ITGA10: variants seen among roughly 807,000 people sequenced by gnomAD.
ITGA10 encodes the protein integrin alpha-10.
A neutral mutation model predicts 145.2 loss-of-function variants in ITGA10; 105 were observed. The ratio of observed to expected loss-of-function variants is 0.72; its 90% CI spans 0.62 to 0.85. The LOEUF (loss-of-function observed/expected upper bound fraction) is 0.85. ITGA10 is among the 40% of genes least tolerant of loss of function. The pLI, the probability that ITGA10 is intolerant of heterozygous loss-of-function variation, is 0.00. For missense variants in ITGA10, 1,317 were observed against 1,444.5 expected (o/e 0.91, Z 1.43); for synonymous variants, 506 against 557.8 (o/e 0.91, Z 1.31).
In ITGA10 at chr1:145,907,482, A is replaced by C. The variant is rs1559215361; in HGVS notation, c.53-17T>G. The C allele has an allele frequency of 6.2e-7, 1 of 1,613,988 alleles. No homozygotes were observed. The highest frequency in any genetic ancestry group is 8.5e-7 in the Non-Finnish European group (1 of 1,179,982). ...AGCAGAGACCTGTGGGGTCAGGATC[A>C]TAATGTTAGTATGAGGTAGTGAATG... On this transcript the variant is annotated splice_polypyrimidine_tract_variant and intron_variant, in intron 1 of 29. Transcript: ENST00000369304.
At position 145,900,785 on chromosome 1, in the gene ITGA10, C is replaced by T. The variant is rs1553747754; in HGVS notation, c.1791+5G>A. 1 of 1,614,084 alleles carries T rather than the reference C, an allele frequency of 6.2e-7. No individual in the cohort carries two copies. The highest frequency in any genetic ancestry group is 2.2e-5 in the East Asian group (1 of 44,894). On this transcript the variant is annotated splice_donor_5th_base_variant and intron_variant, in intron 14 of 29. Coordinates refer to ENST00000369304, the MANE Select transcript of ITGA10 (RefSeq NM_003637.5). ...GTGCCCCTGCTTTATTTGGGTACTCCTGACCTGGGCAGGATGGGGCCTGAC... is the reference window on the plus strand; with the variant it reads ...GTGCCCCTGCTTTATTTGGGTACTCTTGACCTGGGCAGGATGGGGCCTGAC...
intron 15 of ITGA10, among the ~76,000 whole-genome samples, chr1:145,899,804 C>G (rs1002783212): frequency 2.6e-5 from 4 of 152,162 alleles, no homozygotes; most frequent in African/African-American, 9.7e-5. Context: ...AGCCACTGTA[C>G]CCAGCCCTAG....
In ITGA10 at chr1:145,901,038, A is replaced by G. The variant is rs782115714; in HGVS notation, c.1588-45T>C. Reference sequence around the variant, plus strand: ...AGAAGATGCTAATCTGGCAGACCCAACCTCTCAGCAAACCCTCAAATATGT... The same window carrying G: ...AGAAGATGCTAATCTGGCAGACCCAGCCTCTCAGCAAACCCTCAAATATGT... On this transcript the variant is annotated intron_variant, in intron 13 of 29. Transcript: ENST00000369304. The surrounding 1 kb of genome is among the most constrained non-coding windows in gnomAD (Gnocchi z 4.3). 1 of 1,612,468 alleles carries G rather than the reference A, an allele frequency of 6.2e-7. No homozygotes were observed. The highest frequency in any genetic ancestry group is 1.1e-5 in the South Asian group (1 of 91,032).
rs1655504928 is a variant in ITGA10 at position 145,896,996 on chromosome 1, T to G, written c.2744+15A>C. The G allele has an allele frequency of 1.9e-6, 3 of 1,610,382 alleles. No individual in the cohort carries two copies. The highest frequency in any genetic ancestry group is 3.3e-5 in the Admixed American group (2 of 59,988). On this transcript the variant is annotated intron_variant, in intron 22 of 29. Coordinates refer to ENST00000369304, the MANE Select transcript of ITGA10 (RefSeq NM_003637.5). ...TAGGAGGAGAGGTCTGGAAGAAAGT[T>G]CCCTTCATTCTCACCTGCTGGCAGT...
chr1:145,902,892 A>G lies in ITGA10; in HGVS notation c.828T>C (p.Asp276=). 6.2e-7 allele frequency: 1 copy of G among 1,613,952 alleles called. No homozygotes were observed. The highest frequency in any genetic ancestry group is 8.5e-7 in the Non-Finnish European group (1 of 1,179,946). The change falls in exon 8 of 30, where the codon GAT becomes GAC. Residue 276 remains aspartate (D), a synonymous_variant. Transcript: ENST00000369304. ...EAARLLVVVT[D]GESHDGEELP... ...GCTCCTCTCCATCATGGGACTCTCCATCAGTGACAACCACCAGTAGCCTGG... is the reference window on the plus strand; with the variant it reads ...GCTCCTCTCCATCATGGGACTCTCCGTCAGTGACAACCACCAGTAGCCTGG...
intron 24 of ITGA10, 25 bp downstream of exon 24, chr1:145,896,243 T>C (rs781803230): frequency 1.9e-6 from 3 of 1,587,558 alleles, no homozygotes; most frequent in East Asian, 2.2e-5. Context: ...ATTCTCCTCA[T>C]GCCAAGACCC....
chr1:145,896,982 G>A, intron 22 of ITGA10, 29 bp downstream of exon 22: 2 of 1,596,018 alleles, frequency 1.3e-6, no homozygotes, highest in Non-Finnish European at 1.7e-6. Context: ...AGGAGGAGAG[G>A]TCTGGAAGAA....
At chr1:145,896,396 C>T in intron 23 of ITGA10, 44 bp from the exon 24 acceptor site, 1 of 1,440,016 alleles carries the variant, frequency 6.9e-7, no homozygotes, top group Non-Finnish European at 9.8e-7. Flanking sequence ...ACAGCCATAA[C>T]ACAGACACAG....
chr1:145,897,947 A>G (rs1559195639), intron 18 of ITGA10, 47 bp from the exon 19 acceptor site: 1 of 1,504,824 alleles, frequency 6.6e-7, no homozygotes, highest in Admixed American at 1.7e-5. Context: ...AGCAAGGAGG[A>G]AAGGAATAGA....
chr1:145,898,204 C>T lies in ITGA10; in HGVS notation c.2252G>A (p.Arg751Gln), dbSNP rs78598233. 1,561 of 1,613,168 alleles carry T rather than the reference C, an allele frequency of 9.7e-4. 11 individuals are homozygous for T. In the African/African-American group the frequency reaches 0.019, roughly 20 times the overall value. Residue 751 changes from arginine to glutamine, a missense_variant, in exon 18 of 30, where the codon CGG becomes CAG. Transcript: ENST00000369304. ...FHVLDTSDYL[R>Q]PVALTVTFAL... ...AAAGGTCACAGTCAAGGCCACTGGC[C>T]GGAGGTAATCTGATGTATCCTGAAG...
intron 8 of ITGA10, 64 bp from the exon 9 acceptor site, chr1:145,902,683 TG>T: frequency 6.5e-7 from 1 of 1,539,252 alleles, no homozygotes; most frequent in Non-Finnish European, 8.8e-7. Flanking sequence ...CCAACTAACA[TG>T]CTGTGGCTGA....
chr1:145,905,440 C>T (rs757781547), intron 5 of ITGA10, among the ~76,000 whole-genome samples: 10 of 152,022 alleles, frequency 6.6e-5, no homozygotes, highest in Non-Finnish European at 1.3e-4. Flanking sequence ...CCACGACACC[C>T]GGCTAATTTT....
intron 4 of ITGA10, 39 bp from the exon 5 acceptor site, chr1:145,906,547 G>A (rs1006115872): frequency 6.4e-7 from 1 of 1,552,124 alleles, no homozygotes; most frequent in Non-Finnish European, 8.9e-7. Context: ...GGCTTGGGAG[G>A]GCACCCTCAG....
chr1:145,901,299 A>G lies in ITGA10; in HGVS notation c.1444-21T>C. The G allele has an allele frequency of 6.2e-7, 1 of 1,613,466 alleles. No individual in the cohort carries two copies. Reference sequence around the variant, plus strand: ...CCAATCTGGGGAATGGTGGGTGATGATGACCCCAGAGAAAAGGGAAGGTAA... The same window carrying G: ...CCAATCTGGGGAATGGTGGGTGATGGTGACCCCAGAGAAAAGGGAAGGTAA... On this transcript the variant is annotated intron_variant, in intron 12 of 29. Coordinates refer to ENST00000369304, the MANE Select transcript of ITGA10 (RefSeq NM_003637.5). This position sits in a 1 kb window ranked among gnomAD's most constrained non-coding sequence, Gnocchi z 4.3.
chr1:145,903,689 T>C (rs782050957), intron 7 of ITGA10, among the ~76,000 whole-genome samples: 9 of 151,948 alleles, frequency 5.9e-5, no homozygotes, highest in Admixed American at 2.6e-4. Context: ...CATTTCATTT[T>C]ATTTTATTTT....
rs781923297 is a variant in ITGA10 at position 145,901,843 on chromosome 1, C to A, written c.1294+34G>T. ...CACTAGGGATGTATTTCCTCCCCTA[C>A]CCTGTAAGTCCTCTGCAACTCTCTG... On this transcript the variant is annotated intron_variant, in intron 11 of 29. Coordinates refer to ENST00000369304, the MANE Select transcript of ITGA10 (RefSeq NM_003637.5). This position sits in a 1 kb window ranked among gnomAD's most constrained non-coding sequence, Gnocchi z 4.3. 6.2e-7 allele frequency: 1 copy of A among 1,613,400 alleles called. No individual in the cohort carries two copies. Among genetic ancestry groups the A allele is most frequent in the South Asian group, 1.1e-5 (1 of 91,052 alleles).
At chr1:145,900,745 C>A (rs1368127931) in intron 14 of ITGA10, 45 bp downstream of exon 14, 2 of 1,584,086 alleles carry the variant, frequency 1.3e-6, no homozygotes, top group Non-Finnish European at 1.7e-6. Flanking sequence ...TCCCCCTATT[C>A]CTCTTCCTAC....
At chr1:145,899,434 A>T in intron 15 of ITGA10, 93 bp from the exon 16 acceptor site, 2 of 1,401,250 alleles carry the variant, frequency 1.4e-6, no homozygotes, top group African/African-American at 2.9e-5. Flanking sequence ...GTCAAAACAA[A>T]GAAGGAGGGG....
chr1:145,902,105 T>G (rs587604354), intron 10 of ITGA10, 84 bp from the exon 11 acceptor site: 1 of 1,592,704 alleles, frequency 6.3e-7, no homozygotes, highest in East Asian at 2.2e-5. Flanking sequence ...AAAAGATCAC[T>G]GAGGGTCTGC....
Sources: gnomAD v4.1 joint callset for allele counts (sites outside exome capture counted in the v4.1 genomes callset) on GRCh38, gnomAD v4.1.1 for gene constraint, Gnocchi (gnomAD v3.1) non-coding constraint, MANE v1.5 for transcripts, NCBI Gene and HGNC (gene_info 2026-07-23, HGNC 2026-07-21) for gene names.